Variants in PTPRT observed in about 807,000 individuals in gnomAD.
The protein encoded by PTPRT is receptor-type tyrosine-protein phosphatase T.
Under a neutral mutation model 176.8 loss-of-function variants are expected in PTPRT, and 56 were observed. The ratio of observed to expected loss-of-function variants is 0.32; its 90% CI spans 0.26 to 0.40. PTPRT has a LOEUF of 0.40. Among genes scored for constraint, PTPRT ranks in the 10% least tolerant of loss-of-function variants. The probability of loss-of-function intolerance (pLI) is 1.00; values close to 1 mark genes in which losing one functional copy is unlikely to be tolerated. For missense variants in PTPRT, 1,540 were observed against 1,908.2 expected (o/e 0.81, Z 3.60); for synonymous variants, 783 against 739.0 (o/e 1.06, Z -0.96).
At chr20:42,411,840 A>G (rs1211530286) in intron 9 of PTPRT, among the ~76,000 whole-genome samples, 5 of 63,180 alleles carry the variant, frequency 7.9e-5, no homozygotes, top group African/African-American at 2.6e-4. Context: ...ATTCTACCAA[A>G]TATCTACAAA....
chr20:42,543,492 C>T (rs2072619893), intron 7 of PTPRT, among the ~76,000 whole-genome samples: 1 of 152,136 alleles, frequency 6.6e-6, no homozygotes, highest in South Asian at 2.1e-4. Context: ...ATTTCCACCA[C>T]ATGTGGAACG....
At chr20:43,038,499 A>G (rs1334106684) in intron 1 of PTPRT, among the ~76,000 whole-genome samples, 2 of 152,228 alleles carry the variant, frequency 1.3e-5, no homozygotes, top group Non-Finnish European at 2.9e-5. Context: ...TATTTATCTG[A>G]AAAAACAGTC....
Position 42,591,297 on chromosome 20 carries a change from A to G in PTPRT, c.1153+86569T>C, listed in dbSNP as rs148115778. On this transcript the variant is annotated intron_variant, in intron 7 of 30. Transcript: ENST00000373187. ...GAGAAGCCTTAAGCTAAGTCTAAAA[A>G]CAAAGACTTCTATGAAGGTTGAAGA... Among the ~76,000 whole-genome samples the G allele has an allele frequency of 9.7e-4, 148 of 152,334 alleles. 1 individual carries two copies. Among genetic ancestry groups the G allele is most frequent in the African/African-American group, 3.4e-3 (142 of 41,582 alleles).
Position 42,553,887 on chromosome 20 carries a change from T to C in PTPRT, c.1154-81325A>G, listed in dbSNP as rs578009607. Among the ~76,000 whole-genome samples, 4 of 152,244 alleles carry C rather than the reference T, an allele frequency of 2.6e-5. No homozygotes were observed. The East Asian group carries it at 5.8e-4, about 22-fold the overall frequency. On this transcript the variant is annotated intron_variant, in intron 7 of 30. Transcript: ENST00000373187. ...AAACTGTGGATGCAGAAGACATTTC[T>C]AAGGTGGAGCTGATGGGTCTGAGCA...
intron 13 of PTPRT, chr20:42,270,378 C>CCCCGGGGCGGGGGGTAAA: frequency 6.5e-7 from 1 of 1,540,866 alleles, no homozygotes; most frequent in Non-Finnish European, 8.8e-7. Context: ...TCCCACCCGC[C>CCCCGGGGCGGGGGGTAAA]CAGGGCTCTG....
intron 8 of PTPRT, among the ~76,000 whole-genome samples, chr20:42,456,831 A>C (rs1044904874): frequency 6.6e-6 from 1 of 152,124 alleles, no homozygotes; most frequent in Non-Finnish European, 1.5e-5. Flanking sequence ...TGAAGGGGGA[A>C]GTGCTTCTTC....
intron 9 of PTPRT, among the ~76,000 whole-genome samples, chr20:42,402,568 C>T (rs1297312829): frequency 6.7e-6 from 1 of 149,586 alleles, no homozygotes; most frequent in Non-Finnish European, 1.5e-5. Flanking sequence ...GGCATTGAGA[C>T]TGACCCAATG....
At chr20:42,484,836 C>G (rs1297609389) in intron 7 of PTPRT, among the ~76,000 whole-genome samples, 1 of 152,208 alleles carries the variant, frequency 6.6e-6, no homozygotes, top group Non-Finnish European at 1.5e-5. Flanking sequence ...ACGTTCCCAT[C>G]TTTGTCTCCC....
intron 8 of PTPRT, among the ~76,000 whole-genome samples, chr20:42,471,893 C>G (rs11086842): frequency 1.3e-3 from 193 of 152,200 alleles, no homozygotes; most frequent in African/African-American, 4.3e-3. Context: ...CTGAGATAGG[C>G]AATCCACCTG....
chr20:42,216,950 T>C (rs2055785158), intron 15 of PTPRT, among the ~76,000 whole-genome samples: 1 of 152,196 alleles, frequency 6.6e-6, no homozygotes, highest in Non-Finnish European at 1.5e-5. Context: ...CAAAAACTTT[T>C]CATTTCCGAG....
intron 7 of PTPRT, among the ~76,000 whole-genome samples, chr20:42,615,969 T>C: frequency 8.0e-6 from 1 of 125,562 alleles, no homozygotes; most frequent in Non-Finnish European, 1.6e-5. Flanking sequence ...ATTTTGGCTT[T>C]TGTTGCCATT....
chr20:42,398,588 T>G (rs1307219487), intron 9 of PTPRT, among the ~76,000 whole-genome samples: 1 of 152,204 alleles, frequency 6.6e-6, no homozygotes, highest in Non-Finnish European at 1.5e-5. Context: ...AAATGGCGCA[T>G]CGACAAGAAC....
intron 27 of PTPRT, among the ~76,000 whole-genome samples, chr20:42,089,519 G>A (rs1126101): frequency 0.51 from 77,405 of 151,978 alleles, 20,572 homozygotes; most frequent in Middle Eastern, 0.65. Context: ...TTCTCAAGCT[G>A]ATAGATTCTA....
chr20:42,495,552 C>G (rs1015451879), intron 7 of PTPRT, among the ~76,000 whole-genome samples: 1 of 152,180 alleles, frequency 6.6e-6, no homozygotes, highest in African/African-American at 2.4e-5. Flanking sequence ...TCAAAAGGCA[C>G]ACAGACCATC....
At chr20:42,530,850 A>C (rs965946743) in intron 7 of PTPRT, among the ~76,000 whole-genome samples, 2 of 152,156 alleles carry the variant, frequency 1.3e-5, no homozygotes, top group African/African-American at 4.8e-5. Context: ...TGCTTTTTCA[A>C]CTAGAACCTG....
intron 1 of PTPRT, among the ~76,000 whole-genome samples, chr20:42,916,520 G>A (rs887295630): frequency 2.0e-5 from 3 of 152,170 alleles, no homozygotes; most frequent in African/African-American, 7.2e-5. Context: ...TCTAGTTCTA[G>A]ATCCCTGAGG....
At chr20:43,065,851 G>T (rs574559802) in intron 1 of PTPRT, among the ~76,000 whole-genome samples, 2 of 152,206 alleles carry the variant, frequency 1.3e-5, no homozygotes, top group South Asian at 4.2e-4. Flanking sequence ...GCTCAGAGTA[G>T]GCAGACCTCT....
intron 9 of PTPRT, among the ~76,000 whole-genome samples, chr20:42,356,974 A>G (rs143196846): frequency 7.2e-5 from 11 of 152,088 alleles, no homozygotes; most frequent in Non-Finnish European, 1.3e-4. Flanking sequence ...CCTCACCCTT[A>G]GCGGACCTCA....
At chr20:42,472,189 C>T (rs974779041) in intron 8 of PTPRT, 77 bp downstream of exon 8, 2 of 1,476,200 alleles carry the variant, frequency 1.4e-6, no homozygotes, top group African/African-American at 1.4e-5. Flanking sequence ...AAAATAAAAG[C>T]CTCATAACTG....
Sources: gnomAD v4.1 joint callset for allele counts (sites outside exome capture counted in the v4.1 genomes callset) on GRCh38, gnomAD v4.1.1 for gene constraint, MANE v1.5 for transcripts, NCBI Gene and HGNC (gene_info 2026-07-23, HGNC 2026-07-21) for gene names.